RASEF: variants seen among roughly 807,000 people sequenced by gnomAD.
RASEF encodes the protein RAS and EF-hand domain containing.
A neutral mutation model predicts 90.1 loss-of-function variants in RASEF; 68 were observed. That is an observed-to-expected ratio of 0.75 (90% CI 0.62 to 0.92). The LOEUF is 0.92. Ranked by LOEUF, RASEF falls within the 40% of genes least tolerant of loss-of-function variation. RASEF has a pLI of 0.00. For missense variants in RASEF, 949 were observed against 937.2 expected, an observed-to-expected ratio of 1.01 and a Z score of -0.16; for synonymous variants, 331 against 345.2, an observed-to-expected ratio of 0.96 and a Z score of 0.46.
chr9:83,057,278 T>C (rs1446728513), intron 1 of RASEF, among the ~76,000 whole-genome samples: 2 of 152,180 alleles, frequency 1.3e-5, no homozygotes, highest in Non-Finnish European at 2.9e-5. Flanking sequence ...TAATCTTATA[T>C]CTAGAAAACC....
chr9:83,155,966 T>C, the RASEF span, among the ~76,000 whole-genome samples: 2 of 152,142 alleles, frequency 1.3e-5, no homozygotes, highest in Non-Finnish European at 2.9e-5. Context: ...CCAGGATCTG[T>C]CACTTAATAG....
At chr9:83,058,874 G>A (rs1362815011) in intron 1 of RASEF, among the ~76,000 whole-genome samples, 3 of 152,140 alleles carry the variant, frequency 2.0e-5, no homozygotes, top group Non-Finnish European at 4.4e-5. Flanking sequence ...TCGACATCGT[G>A]CATGTAGAAA....
the RASEF span, among the ~76,000 whole-genome samples, chr9:83,144,400 G>GAAAGAAAGAAAGAAAGAAAGAAAGAA: frequency 9.6e-6 from 1 of 104,342 alleles, no homozygotes; most frequent in Non-Finnish European, 2.0e-5. Flanking sequence ...AGGAAAGAAA[G>GAAAGAAAGAAAGAAAGAAAGAAAGAA]AAAGAAAGAA....
the RASEF span, among the ~76,000 whole-genome samples, chr9:83,125,709 G>A: frequency 3.3e-5 from 5 of 152,274 alleles, no homozygotes; most frequent in African/African-American, 1.2e-4. Flanking sequence ...CTAACAGTAG[G>A]ACCCCAGGCT....
intron 16 of RASEF, 137 bp downstream of exon 16, chr9:82,990,254 A>T: frequency 3.4e-6 from 2 of 591,904 alleles, no homozygotes; most frequent in South Asian, 2.3e-5. Flanking sequence ...TAATATCCAC[A>T]TATTTATTTC....
Position 83,012,525 on chromosome 9 carries a change from TA to T in RASEF, c.766-15del. 2 of 1,543,752 alleles carry T rather than the reference TA, an allele frequency of 1.3e-6. No homozygotes were observed. Among genetic ancestry groups the T allele is most frequent in the East Asian group, 4.7e-5 (2 of 42,240 alleles). On this transcript the variant is annotated splice_polypyrimidine_tract_variant and intron_variant, in intron 4 of 16. Coordinates refer to ENST00000376447, the MANE Select transcript of RASEF (RefSeq NM_152573.4). The stretch of plus-strand genomic sequence containing the variant: ...TTGTTCTTCGAGCTGAAAGACCAAA[TA>T]AAAGTTGTGTGCTTACAAACTCACT...
At chr9:83,134,140 G>A in the RASEF span, among the ~76,000 whole-genome samples, 2 of 151,966 alleles carry the variant, frequency 1.3e-5, no homozygotes, top group African/African-American at 4.8e-5. Flanking sequence ...GTACCGAAGT[G>A]GAATTTTCCC....
At chr9:83,049,529 C>CTTTTT (rs10687615) in intron 1 of RASEF, among the ~76,000 whole-genome samples, 2,155 of 98,712 alleles carry the variant, frequency 0.022, 59 homozygotes, top group East Asian at 0.053. Flanking sequence ...TTCTGCCTTC[C>CTTTTT]TTTTTTTTTT....
chr9:83,184,011 C>A, the RASEF span, among the ~76,000 whole-genome samples: 25 of 152,270 alleles, frequency 1.6e-4, no homozygotes, highest in African/African-American at 5.5e-4. Flanking sequence ...CAACAAGTTC[C>A]CAGGAAAGCC....
the RASEF span, among the ~76,000 whole-genome samples, chr9:83,072,284 T>C: frequency 6.6e-6 from 1 of 152,138 alleles, no homozygotes; most frequent in Non-Finnish European, 1.5e-5. Context: ...CCTCCAGCAA[T>C]ACTGTTTCCA....
the RASEF span, among the ~76,000 whole-genome samples, chr9:83,108,649 T>A: frequency 6.6e-6 from 1 of 152,184 alleles, no homozygotes; most frequent in South Asian, 2.1e-4. Context: ...TGAAGCACAG[T>A]CATCGAACTT....
the RASEF span, among the ~76,000 whole-genome samples, chr9:83,134,449 C>CACACACACAT: frequency 7.2e-6 from 1 of 139,422 alleles, no homozygotes; most frequent in South Asian, 2.2e-4. Context: ...CACACACACA[C>CACACACACAT]ATATATATAT....
At chr9:83,021,093 G>A (rs1226837970) in intron 3 of RASEF, among the ~76,000 whole-genome samples, 1 of 152,192 alleles carries the variant, frequency 6.6e-6, no homozygotes, top group Non-Finnish European at 1.5e-5. Flanking sequence ...AATCTAAAAG[G>A]AATCAGGAAT....
At chr9:83,215,346 G>C in the RASEF span, among the ~76,000 whole-genome samples, 1 of 152,120 alleles carries the variant, frequency 6.6e-6, no homozygotes, top group East Asian at 1.9e-4. Flanking sequence ...AAAGGCAGAG[G>C]GTCCATTGAG....
At chr9:83,200,257 G>A in the RASEF span, among the ~76,000 whole-genome samples, 1 of 152,050 alleles carries the variant, frequency 6.6e-6, no homozygotes, top group African/African-American at 2.4e-5. Context: ...TTAGCCAGGT[G>A]TAGTGGCGGT....
At chr9:83,118,532 T>A in the RASEF span, among the ~76,000 whole-genome samples, 1 of 152,202 alleles carries the variant, frequency 6.6e-6, no homozygotes, top group East Asian at 1.9e-4. Flanking sequence ...GAAAACATAT[T>A]TTCATTTCAA....
rs566451826 is a variant in RASEF, at chr9:83,062,823, T to C, written c.45A>G (p.Ser15=). Reference sequence around the variant, plus strand: ...GGTTCGCGTCGCAGGCGGCGAAGACTGAGCGCAGCCGGGCCAGCTCCTCTC... The same window carrying C: ...GGTTCGCGTCGCAGGCGGCGAAGACCGAGCGCAGCCGGGCCAGCTCCTCTC... ...GDGEELARLR[S]VFAACDANRS... is the part of the protein sequence containing the mutation. The change falls in exon 1 of 17, where the codon TCA becomes TCG. Residue 15 remains serine (S), a synonymous_variant. Coordinates refer to ENST00000376447, the MANE Select transcript of RASEF (RefSeq NM_152573.4). The C allele has an allele frequency of 6.4e-7, 1 of 1,552,692 alleles. No individual in the cohort carries two copies. The highest frequency in any genetic ancestry group is 2.2e-4 in the Middle Eastern group (1 of 4,494).
chr9:83,134,448 A>ACACG, the RASEF span, among the ~76,000 whole-genome samples: 2 of 144,210 alleles, frequency 1.4e-5, no homozygotes, highest in African/African-American at 5.0e-5. Context: ...ACACACACAC[A>ACACG]CATATATATA....
At chr9:83,061,933 T>A (rs1005502549) in intron 1 of RASEF, among the ~76,000 whole-genome samples, 1 of 152,254 alleles carries the variant, frequency 6.6e-6, no homozygotes, top group African/African-American at 2.4e-5. Flanking sequence ...GCCTAGCAGG[T>A]ACATCAATCA....
Sources: allele counts gnomAD v4.1 joint callset (sites outside exome capture counted in the v4.1 genomes callset), GRCh38; gene constraint gnomAD v4.1.1; transcripts MANE v1.5; gene names NCBI Gene and HGNC (gene_info 2026-07-23, HGNC 2026-07-21).